Variants in CNGB3 observed in about 807,000 individuals in gnomAD.
CNGB3 encodes the protein cyclic nucleotide-gated channel beta-3.
Under a neutral mutation model 92.8 loss-of-function variants are expected in CNGB3, and 86 were observed. The ratio of observed to expected loss-of-function variants is 0.93; its 90% CI spans 0.78 to 1.11. CNGB3 has a LOEUF of 1.11. Ranked by LOEUF, CNGB3 falls within the 50% of genes least tolerant of loss-of-function variation. The pLI is 0.00. For missense variants in CNGB3, 1,026 were observed against 956.8 expected (o/e 1.07, Z -0.95); for synonymous variants, 333 against 332.7 (o/e 1.00, Z -0.01).
At chr8:86,579,328 C>G in intron 15 of CNGB3, 76 bp from the exon 16 acceptor site, 1 of 1,513,698 alleles carries the variant, frequency 6.6e-7, no homozygotes, top group Non-Finnish European at 9.1e-7. Context: ...AAAATAGCAA[C>G]TATTATAAGT....
intron 9 of CNGB3, among the ~76,000 whole-genome samples, chr8:86,644,280 AGAACAACAAAC>A (rs956788752): frequency 8.6e-5 from 13 of 151,396 alleles, no homozygotes; most frequent in Non-Finnish European, 1.6e-4. Context: ...AGTAAAATTT[AGAACAACAAAC>A]GAATGAAATT....
chr8:86,715,153 G>C (rs1382271743), intron 3 of CNGB3, among the ~76,000 whole-genome samples: 6 of 151,960 alleles, frequency 3.9e-5, no homozygotes, highest in Non-Finnish European at 8.8e-5. Context: ...GCAACCCTAG[G>C]GCAAGTTTAC....
intron 8 of CNGB3, 106 bp downstream of exon 8, chr8:86,647,695 A>C: frequency 1.4e-6 from 1 of 717,520 alleles, no homozygotes; most frequent in South Asian, 1.6e-5. Flanking sequence ...AAAATTAAGA[A>C]TATTGATCAT....
rs551665115 is a variant in CNGB3, at chr8:86,635,199, T to G, written c.1179-2306A>C. On this transcript the variant is annotated intron_variant, in intron 10 of 17. Coordinates refer to ENST00000320005, the MANE Select transcript of CNGB3 (RefSeq NM_019098.5). Reference sequence around the variant, plus strand: ...GCATTTTAACTTTTCAAATTCCAATTTATAATTTCCTATTACCTGATTTAT... The same window carrying G: ...GCATTTTAACTTTTCAAATTCCAATGTATAATTTCCTATTACCTGATTTAT... 1.8e-4 allele frequency among the ~76,000 whole-genome samples: 28 copies of G among 152,270 alleles called. 3 individuals carry two copies. Among genetic ancestry groups the G allele is most frequent in the Admixed American group, 1.7e-3 (26 of 15,294 alleles).
intron 13 of CNGB3, among the ~76,000 whole-genome samples, chr8:86,625,384 G>A (rs1003682912): frequency 6.6e-6 from 1 of 152,078 alleles, no homozygotes; most frequent in Non-Finnish European, 1.5e-5. Context: ...ATGAGTCGGT[G>A]AATGCTATAC....
chr8:86,699,585 A>G (rs1273707713), intron 3 of CNGB3, among the ~76,000 whole-genome samples: 2 of 152,234 alleles, frequency 1.3e-5, no homozygotes, highest in African/African-American at 2.4e-5. Flanking sequence ...GCTGAATATG[A>G]TATATGATGG....
intron 12 of CNGB3, among the ~76,000 whole-genome samples, chr8:86,626,322 A>C (rs1822847807): frequency 6.6e-6 from 1 of 152,236 alleles, no homozygotes; most frequent in South Asian, 2.1e-4. Flanking sequence ...ATACTGAATA[A>C]TTCCAGAACA....
At chr8:86,617,875 A>G (rs2131573602) in intron 13 of CNGB3, among the ~76,000 whole-genome samples, 1 of 152,212 alleles carries the variant, frequency 6.6e-6, no homozygotes, top group Admixed American at 6.5e-5. Context: ...TTTCGGGATG[A>G]TTCAAGCACA....
At chr8:86,587,460 G>T (rs1025215472) in intron 15 of CNGB3, among the ~76,000 whole-genome samples, 108 of 152,144 alleles carry the variant, frequency 7.1e-4, no homozygotes, top group East Asian at 4.8e-3. Flanking sequence ...CTAGGGTTTT[G>T]ATGGTTTTAG....
At chr8:86,677,070 A>G (rs376440155) in intron 3 of CNGB3, among the ~76,000 whole-genome samples, 172 of 152,290 alleles carry the variant, frequency 1.1e-3, no homozygotes, top group African/African-American at 3.6e-3. Flanking sequence ...GGAGCACTAC[A>G]TTGCTAAGTC....
intron 10 of CNGB3, among the ~76,000 whole-genome samples, chr8:86,638,004 C>A (rs1054527663): frequency 6.6e-6 from 1 of 152,058 alleles, no homozygotes; most frequent in Non-Finnish European, 1.5e-5. Flanking sequence ...TATAAGATGT[C>A]TTTTACTCAG....
chr8:86,620,768 G>A (rs575093360), intron 13 of CNGB3, among the ~76,000 whole-genome samples: 6 of 152,252 alleles, frequency 3.9e-5, no homozygotes, highest in Non-Finnish European at 7.4e-5. Context: ...GAGATGTAGG[G>A]TGGAGGATCA....
At chr8:86,678,487 A>T (rs529556308) in intron 3 of CNGB3, among the ~76,000 whole-genome samples, 1 of 152,154 alleles carries the variant, frequency 6.6e-6, no homozygotes, top group Non-Finnish European at 1.5e-5. Context: ...TAATGTACAT[A>T]TGGATGTTAT....
intron 1 of CNGB3, 26 bp downstream of exon 1, chr8:86,743,473 C>T (rs1305886275): frequency 6.2e-7 from 1 of 1,613,600 alleles, no homozygotes; most frequent in East Asian, 2.2e-5. Flanking sequence ...AAAATCAAGG[C>T]TTGCATAGGA....
At chr8:86,582,730 A>T (rs1821813329) in intron 15 of CNGB3, among the ~76,000 whole-genome samples, 2 of 152,200 alleles carry the variant, frequency 1.3e-5, no homozygotes, top group South Asian at 4.1e-4. Flanking sequence ...ATTTAGGGAA[A>T]TGACCCTTCA....
chr8:86,587,881 A>C (rs1821931990), intron 15 of CNGB3, among the ~76,000 whole-genome samples: 3 of 152,164 alleles, frequency 2.0e-5, no homozygotes, highest in East Asian at 1.9e-4. Flanking sequence ...GATGAAACGC[A>C]TTGGTAGCTT....
intron 2 of CNGB3, among the ~76,000 whole-genome samples, chr8:86,729,245 C>G (rs1825119810): frequency 6.6e-6 from 1 of 152,090 alleles, no homozygotes; most frequent in Non-Finnish European, 1.5e-5. Context: ...GCATCATATA[C>G]CTCCTCCATC....
intron 13 of CNGB3, among the ~76,000 whole-genome samples, chr8:86,620,879 CTATTT>C (rs912900779): frequency 5.3e-4 from 79 of 150,218 alleles, no homozygotes; most frequent in African/African-American, 1.9e-3. Context: ...TACATATTTT[CTATTT>C]CACTTGGCTT....
intron 14 of CNGB3, 123 bp from the exon 15 acceptor site, chr8:86,604,334 G>A (rs1402964436): frequency 3.0e-6 from 2 of 660,198 alleles, no homozygotes; most frequent in East Asian, 2.8e-5. Flanking sequence ...GAACATTAGT[G>A]TAAAATTAAT....
Sources: allele counts gnomAD v4.1 joint callset (sites outside exome capture counted in the v4.1 genomes callset), GRCh38; gene constraint gnomAD v4.1.1; transcripts MANE v1.5; gene names NCBI Gene and HGNC (gene_info 2026-07-23, HGNC 2026-07-21).